GALK2: variants seen among roughly 807,000 people sequenced by gnomAD.
GALK2 encodes N-acetylgalactosamine kinase.
GALK2 carries 36 observed loss-of-function variants against 52.4 expected under a neutral mutation model. The observed-to-expected ratio is 0.69, with a 90% confidence interval of 0.53 to 0.91. The LOEUF (loss-of-function observed/expected upper bound fraction) is 0.91. Among genes scored for constraint, GALK2 ranks in the 40% least tolerant of loss-of-function variants. The pLI, the probability that GALK2 is intolerant of heterozygous loss-of-function variation, is 0.00. For missense variants in GALK2, 579 were observed against 559.1 expected (o/e 1.04, Z -0.36); for synonymous variants, 176 against 199.1 (o/e 0.88, Z 0.98).
chr15:49,262,189 A>T (rs1428230314), intron 5 of GALK2, among the ~76,000 whole-genome samples: 1 of 151,948 alleles, frequency 6.6e-6, no homozygotes, highest in Non-Finnish European at 1.5e-5. Flanking sequence ...CTGTGAATCC[A>T]TCTGGTCCTG....
At position 49,293,309 on chromosome 15, in the gene GALK2, T is replaced by C. The variant is rs2141828040; in HGVS notation, c.967+772T>C. ...CTTAAAGGCTGGAAGTACTGAAAAC[T>C]TTGGGATGAGATAAGGGAATCATTT... On this transcript the variant is annotated intron_variant, in intron 8 of 9. Coordinates refer to ENST00000560031, the MANE Select transcript of GALK2 (RefSeq NM_002044.4). Among the ~76,000 whole-genome samples, 3 of 152,346 alleles carry C rather than the reference T, an allele frequency of 2.0e-5. No individual in the cohort carries two copies. In the South Asian group the frequency reaches 6.2e-4, roughly 32 times the overall value.
rs907254706 is a variant in GALK2, at chr15:49,155,869, C to A, written c.-128C>A. The A allele has an allele frequency of 2.2e-5, 23 of 1,039,164 alleles. 1 individual carries two copies. In the South Asian group the frequency reaches 3.1e-4, roughly 14 times the overall value. The allele number at this position is 1,039,164 out of a possible 1,614,324, so 64.4% of individuals were successfully genotyped here. A position where few individuals can be genotyped will look rare whatever the true frequency, so the allele number is the denominator to read the frequency against. On this transcript the variant is annotated 5_prime_UTR_variant, in exon 1 of 10. Coordinates refer to the GALK2 transcript ENST00000327171. ...AGGGCGTCGGAAACTGCGCTCGCAT[C>A]GAGCAGTTTCCAGCCTCCTGGGTAA...
At chr15:49,223,175 A>G (rs980583496) in intron 3 of GALK2, 3 of 152,038 alleles carry the variant, frequency 2.0e-5, no homozygotes, top group Admixed American at 1.3e-4. Flanking sequence ...TGTGTATAGT[A>G]TAGTTGTTCA....
chr15:49,319,209 C>T, intron 8 of GALK2: 1 of 352,532 alleles, frequency 2.8e-6, no homozygotes, highest in East Asian at 7.6e-5. Context: ...CTGCCTCGGC[C>T]TCCCAAAGTG....
chr15:49,188,004 G>A (rs1317413444), intron 1 of GALK2, among the ~76,000 whole-genome samples: 1 of 152,040 alleles, frequency 6.6e-6, no homozygotes, highest in Non-Finnish European at 1.5e-5. Flanking sequence ...AGCAGAACGA[G>A]TCTCTTTCCA....
rs1017640266 is a variant in GALK2 at position 49,355,884 on chromosome 15, T to C, written c.427-11607T>C. Among the ~76,000 whole-genome samples, 37 of 152,160 alleles carry C rather than the reference T, an allele frequency of 2.4e-4. No homozygotes were observed. In the South Asian group the frequency reaches 6.7e-3, roughly 27 times the overall value. ...AAAGGGAAGCCCATCAGACTAACAG[T>C]GGATCTCTCGGCAGAAACCCTACAA... On this transcript the variant is annotated intron_variant, in intron 3 of 3. Coordinates refer to the GALK2 transcript ENST00000558399.
Position 49,327,986 on chromosome 15 carries a change from G to A in GALK2, c.1204G>A (p.Ala402Thr). Residue 402 changes from alanine to threonine, a missense_variant, in exon 10 of 10, where the codon GCA (alanine) becomes ACA (threonine). Physicochemically the swap from Ala to Thr is moderately conservative, Grantham distance 58. Coordinates refer to ENST00000560031, the MANE Select transcript of GALK2 (RefSeq NM_002044.4). The stretch of plus-strand genomic sequence containing the variant: ...GGCTCAAGGGTCACGACTTACTGGA[G>A]CAGGATGGGGAGGCTGCACAGTATC... ...FGAQGSRLTGAGWGGCTVSMV... is the reference protein window; with the variant it reads ...FGAQGSRLTGTGWGGCTVSMV... The A allele has an allele frequency of 3.7e-6, 6 of 1,613,704 alleles. No individual in the cohort carries two copies. The South Asian group carries it at 5.5e-5, about 15-fold the overall frequency.
chr15:49,277,318 G>A (rs1420362575), intron 5 of GALK2, among the ~76,000 whole-genome samples: 1 of 141,630 alleles, frequency 7.1e-6, no homozygotes, highest in African/African-American at 2.6e-5. Flanking sequence ...ACAGGCGCCC[G>A]CCACTACGCC....
chr15:49,274,029 G>A (rs913141448), intron 5 of GALK2, among the ~76,000 whole-genome samples: 1 of 152,178 alleles, frequency 6.6e-6, no homozygotes, highest in Non-Finnish European at 1.5e-5. Flanking sequence ...TCGACAGGGA[G>A]AGACATCACT....
intron 2 of GALK2, among the ~76,000 whole-genome samples, chr15:49,208,267 G>A (rs1438319910): frequency 3.3e-5 from 5 of 152,138 alleles, no homozygotes; most frequent in Non-Finnish European, 7.3e-5. Flanking sequence ...TGCTCTTTCA[G>A]ACTTTTTGAT....
upstream of GALK2, among the ~76,000 whole-genome samples, chr15:49,166,712 A>G (rs573119758): frequency 2.2e-4 from 33 of 152,316 alleles, no homozygotes; most frequent in African/African-American, 7.7e-4. Context: ...CTTGGTCTCA[A>G]CAACAACAAC....
At chr15:49,196,466 A>G (rs1214716850) in intron 1 of GALK2, among the ~76,000 whole-genome samples, 1 of 152,076 alleles carries the variant, frequency 6.6e-6, no homozygotes, top group African/African-American at 2.4e-5. Flanking sequence ...GTTCTATTGC[A>G]TTGAGTGTTG....
chr15:49,239,509 C>T (rs946571479), intron 5 of GALK2, 142 bp downstream of exon 5: 3 of 718,540 alleles, frequency 4.2e-6, no homozygotes, highest in African/African-American at 3.6e-5. Context: ...TGTAACTTAA[C>T]AAGTGATAAA....
chr15:49,210,526 G>T (rs2141350001), intron 2 of GALK2, among the ~76,000 whole-genome samples: 1 of 151,856 alleles, frequency 6.6e-6, no homozygotes, highest in East Asian at 1.9e-4. Context: ...TGCAATGTCT[G>T]CCTCCCAGAT....
At chr15:49,166,631 A>C (rs998290285), upstream of GALK2, among the ~76,000 whole-genome samples, 3 of 152,044 alleles carry the variant, frequency 2.0e-5, no homozygotes, top group African/African-American at 7.2e-5. Context: ...AATCACTTGA[A>C]CCCGGAAGGC....
At chr15:49,334,615 A>G (rs1475673638), downstream of GALK2, among the ~76,000 whole-genome samples, 1 of 151,422 alleles carries the variant, frequency 6.6e-6, no homozygotes, top group Non-Finnish European at 1.5e-5. Context: ...GGACGTACAC[A>G]TGCGTCTGTG....
At chr15:49,164,435 G>C (rs1472209669) in intron 1 of GALK2, among the ~76,000 whole-genome samples, 1 of 152,006 alleles carries the variant, frequency 6.6e-6, no homozygotes, top group African/African-American at 2.4e-5. Flanking sequence ...GGTGAGGAAA[G>C]AATTGTCTAG....
intron 3 of GALK2, among the ~76,000 whole-genome samples, chr15:49,357,433 AC>A (rs2083559028): frequency 6.6e-6 from 1 of 151,596 alleles, no homozygotes; most frequent in Non-Finnish European, 1.5e-5. Context: ...AATACAAACT[AC>A]CATCAGAGAA....
chr15:49,191,234 G>A (rs1050970331), intron 1 of GALK2, among the ~76,000 whole-genome samples: 1 of 152,102 alleles, frequency 6.6e-6, no homozygotes, highest in Non-Finnish European at 1.5e-5. Flanking sequence ...TCAACATCAG[G>A]CTACTTAGGT....
Sources: gnomAD v4.1 joint callset for allele counts (sites outside exome capture counted in the v4.1 genomes callset) on GRCh38, gnomAD v4.1.1 for gene constraint, MANE v1.5 for transcripts, NCBI Gene and HGNC (gene_info 2026-07-23, HGNC 2026-07-21) for gene names.